The following SMPX variants were observed in gnomAD, a reference collection of about 807,000 sequenced individuals.
SMPX encodes small muscular protein.
SMPX carries 2 observed loss-of-function variants against 6.3 expected under a neutral mutation model. The observed-to-expected ratio is 0.32, with a 90% CI of 0.13 to 0.99. The LOEUF (loss-of-function observed/expected upper bound fraction) is 0.99, where lower values mean the gene tolerates loss of function less well. SMPX is among the 50% of genes least tolerant of loss of function. SMPX has a pLI of 0.49. For synonymous variants in SMPX, 32 were observed against 24.7 expected (o/e 1.30, Z -0.88); for missense variants, 60 against 66.8 (o/e 0.90, Z 0.36).
intron 4 of SMPX, among the ~76,000 whole-genome samples, chrX:21,721,356 A>G (rs2092791547): frequency 8.9e-6 from 1 of 112,169 alleles, no homozygotes; most frequent in African/African-American, 3.2e-5. Flanking sequence ...TATCCCAAAT[A>G]GAAGCCATGG....
intron 2 of SMPX, among the ~76,000 whole-genome samples, chrX:21,745,577 A>C (rs187472431): frequency 4.5e-5 from 5 of 112,182 alleles, no homozygotes; most frequent in African/African-American, 1.6e-4. Context: ...AAAGAAGATC[A>C]AGACAGTGTA....
At chrX:21,753,529 T>C (rs2092829651) in intron 2 of SMPX, among the ~76,000 whole-genome samples, 1 of 111,906 alleles carries the variant, frequency 8.9e-6, no homozygotes, top group African/African-American at 3.3e-5. Context: ...TCCATGTTGA[T>C]GGAAAGATGG....
intron 4 of SMPX, among the ~76,000 whole-genome samples, chrX:21,713,258 A>T (rs950468614): frequency 8.9e-6 from 1 of 112,154 alleles, no homozygotes; most frequent in Non-Finnish European, 1.9e-5. Context: ...GAAATTAGGA[A>T]ATTCAGATCC....
rs193068643 is a variant in SMPX, at chrX:21,745,882, G to T, written c.46-2046C>A. On this transcript the variant is annotated intron_variant, in intron 2 of 4. Transcript: ENST00000379494. Reference sequence around the variant, plus strand: ...ATTGTAGTTTTTAGTAAGGGGACATGCAAAGGTCATCCAGAATAATATAAT... The same window carrying T: ...ATTGTAGTTTTTAGTAAGGGGACATTCAAAGGTCATCCAGAATAATATAAT... 3.6e-5 allele frequency among the ~76,000 whole-genome samples: 4 copies of T among 111,817 alleles called. No individual in the cohort carries two copies. The East Asian group carries it at 1.1e-3, about 32-fold the overall frequency.
intron 2 of SMPX, among the ~76,000 whole-genome samples, chrX:21,752,360 AT>A (rs1249740515): frequency 1.8e-5 from 2 of 111,776 alleles, no homozygotes; most frequent in African/African-American, 6.5e-5. Context: ...AAATAAAAGA[AT>A]TTTTATGTTT....
Position 21,706,108 on chromosome X carries a change from CA to C in SMPX, c.*300del, listed in dbSNP as rs1569302250. 1 of 512,746 alleles carries C rather than the reference CA, an allele frequency of 2.0e-6. No homozygotes were observed. The highest frequency in any genetic ancestry group is 2.6e-5 in the Admixed American group (1 of 37,888). The allele number at this position is 512,746 out of a possible 1,213,427, so 42.3% of individuals were successfully genotyped here. A position where few individuals can be genotyped will look rare whatever the true frequency, so the allele number is the denominator to read the frequency against. On this transcript the variant is annotated 3_prime_UTR_variant, in exon 5 of 5. Transcript: ENST00000379494. Reference sequence around the variant, plus strand: ...GGAAGTAGCTTGGGAAACTTTTCATCAAAATCGTTAGGCACATTGCCATATC... The same window carrying C: ...GGAAGTAGCTTGGGAAACTTTTCATCAAATCGTTAGGCACATTGCCATATC...
At chrX:21,714,991 G>C (rs2092782652) in intron 4 of SMPX, among the ~76,000 whole-genome samples, 1 of 111,176 alleles carries the variant, frequency 9.0e-6, no homozygotes, top group Non-Finnish European at 1.9e-5. Context: ...TTGAGAATTT[G>C]AGGGATGATT....
In SMPX at chrX:21,743,782, T is replaced by TG. The variant is rs398122930; in HGVS notation, c.99dup (p.Arg34GlnfsTer8). On this transcript the variant is annotated frameshift_variant, in exon 3 of 5. Transcript: ENST00000379494. LOFTEE classifies it high-confidence loss of function. ...ACTTCAGGAGTACATTCTTTTCTTC[T>TG]GGGGGGTTGACCTGCTCCTGGCCGA... 1 of 1,209,968 alleles carries TG rather than the reference T, an allele frequency of 8.3e-7. No individual in the cohort carries two copies. The highest frequency in any genetic ancestry group is 1.1e-6 in the Non-Finnish European group (1 of 894,009).
chrX:21,729,302 T>C (rs1316624458), intron 4 of SMPX, among the ~76,000 whole-genome samples: 2 of 112,690 alleles, frequency 1.8e-5, no homozygotes, highest in African/African-American at 6.4e-5. Flanking sequence ...GGACCTAACA[T>C]CAACCTTTCA....
chrX:21,744,896 G>A (rs1053989081), intron 2 of SMPX, among the ~76,000 whole-genome samples: 25 of 111,933 alleles, frequency 2.2e-4, no homozygotes, highest in African/African-American at 7.8e-4. Flanking sequence ...AAGTTATTAG[G>A]AAGTGTGGTA....
intron 4 of SMPX, among the ~76,000 whole-genome samples, chrX:21,731,688 A>G (rs1226004121): frequency 1.3e-5 from 1 of 76,081 alleles, no homozygotes; most frequent in Non-Finnish European, 2.4e-5. Context: ...TAATGTGTAC[A>G]TGTACACATA....
Position 21,757,054 on chromosome X carries a change from T to C in SMPX, c.-13+888A>G, listed in dbSNP as rs1036502800. 8.0e-5 allele frequency among the ~76,000 whole-genome samples: 9 copies of C among 111,990 alleles called. No individual in the cohort carries two copies. In the South Asian group the frequency reaches 3.0e-3, roughly 37 times the overall value. On this transcript the variant is annotated intron_variant, in intron 1 of 4. Transcript: ENST00000379494. ...TATCTGACTTCTAAATAGAACTCTT[T>C]GACTTACTAAAAATTTGTCAATAGT...
At chrX:21,737,192 C>G (rs907270897) in intron 4 of SMPX, among the ~76,000 whole-genome samples, 4 of 111,424 alleles carry the variant, frequency 3.6e-5, no homozygotes, top group African/African-American at 1.3e-4. Flanking sequence ...TTTGTGATAC[C>G]TGGGTGAGGA....
chrX:21,754,061 C>T lies in SMPX; in HGVS notation c.45+185G>A, dbSNP rs964558524. Among the ~76,000 whole-genome samples, 5 of 112,404 alleles carry T rather than the reference C, an allele frequency of 4.4e-5. No individual in the cohort carries two copies. In the East Asian group the frequency reaches 1.1e-3, roughly 25 times the overall value. ...TGTCTTATAATTCAGAACAATTAAA[C>T]AAAAATAGCTTGCTTCTCCTGTCTC... On this transcript the variant is annotated intron_variant, in intron 2 of 4. Transcript: ENST00000379494.
chrX:21,753,605 G>A (rs2092829717), intron 2 of SMPX, among the ~76,000 whole-genome samples: 1 of 111,844 alleles, frequency 8.9e-6, no homozygotes, highest in Admixed American at 9.5e-5. Context: ...CAAATACAGG[G>A]CCCTTAAGAG....
At chrX:21,755,673 T>TG (rs200506871) in intron 1 of SMPX, among the ~76,000 whole-genome samples, 1,673 of 112,358 alleles carry the variant, frequency 0.015, 27 homozygotes, top group African/African-American at 0.05. Flanking sequence ...TTGAAATCTC[T>TG]AAAGTCTTAG....
At chrX:21,732,917 A>G (rs1457447291) in intron 4 of SMPX, among the ~76,000 whole-genome samples, 2 of 111,493 alleles carry the variant, frequency 1.8e-5, no homozygotes, top group East Asian at 2.8e-4. Flanking sequence ...ACATCAAAGG[A>G]CACAGCAAGA....
intron 4 of SMPX, among the ~76,000 whole-genome samples, chrX:21,717,097 G>T (rs765209943): frequency 9.0e-6 from 1 of 111,026 alleles, no homozygotes; most frequent in South Asian, 3.9e-4. Context: ...TTCCTTCTGG[G>T]GGCTGATATG....
intron 4 of SMPX, among the ~76,000 whole-genome samples, 181 bp from the exon 5 acceptor site, chrX:21,706,575 T>C (rs919598786): frequency 6.3e-5 from 7 of 111,973 alleles, no homozygotes; most frequent in Admixed American, 9.5e-5. Context: ...ACATACTTAT[T>C]TTTGTGATGA....
Sources: allele counts gnomAD v4.1 joint callset (sites outside exome capture counted in the v4.1 genomes callset), GRCh38; gene constraint gnomAD v4.1.1; transcripts MANE v1.5; gene names NCBI Gene and HGNC (gene_info 2026-07-23, HGNC 2026-07-21).